MOCOS: variants seen among roughly 807,000 people sequenced by gnomAD.
MOCOS encodes the protein human molybdenum cofactor sulfurase.
MOCOS carries 86 observed loss-of-function variants against 83.6 expected under a neutral mutation model. The ratio of observed to expected loss-of-function variants is 1.03; its 90% confidence interval spans 0.86 to 1.23. The LOEUF (loss-of-function observed/expected upper bound fraction) is 1.23. Among genes scored for constraint, MOCOS ranks in the 50% most tolerant of loss-of-function variants. MOCOS has a pLI of 0.00. For missense variants in MOCOS, 1,120 were observed against 1,126.9 expected (o/e 0.99, Z 0.09); for synonymous variants, 445 against 434.7 (o/e 1.02, Z -0.29).
intron 9 of MOCOS, among the ~76,000 whole-genome samples, chr18:36,220,534 T>C (rs1395936827): frequency 6.6e-6 from 1 of 151,980 alleles, no homozygotes; most frequent in Non-Finnish European, 1.5e-5. Flanking sequence ...TAAAATAACC[T>C]GAAAGTAAGG....
At chr18:36,193,184 G>A (rs1051970050) in intron 1 of MOCOS, among the ~76,000 whole-genome samples, 28 of 150,510 alleles carry the variant, frequency 1.9e-4, no homozygotes, top group African/African-American at 6.1e-4. Context: ...GGTGGCGGGC[G>A]CCTGTAGTCC....
chr18:36,198,612 A>G (rs1598870834), intron 2 of MOCOS, 78 bp from the exon 3 acceptor site: 2 of 1,391,852 alleles, frequency 1.4e-6, no homozygotes, highest in South Asian at 2.3e-5. Flanking sequence ...TGAGAAACTG[A>G]GGGAGTGGAT....
At chr18:36,247,831 G>A (rs926730104) in intron 9 of MOCOS, among the ~76,000 whole-genome samples, 5 of 152,142 alleles carry the variant, frequency 3.3e-5, no homozygotes, top group South Asian at 2.1e-4. Context: ...TTCCTGCAGC[G>A]GTTCATGCAG....
rs746148451 is a variant in MOCOS at position 36,268,667 on chromosome 18, C to G, written c.2649C>G (p.His883Gln). 6.2e-7 allele frequency: 1 copy of G among 1,610,746 alleles called. No individual in the cohort carries two copies. The highest frequency in any genetic ancestry group is 1.7e-5 in the Admixed American group (1 of 59,462). ...ATGATTTACCTGCATCTGAGAAACACCAGGATGTTACCTCCTAAAAAAAAT... is the reference window on the plus strand; with the variant it reads ...ATGATTTACCTGCATCTGAGAAACAGCAGGATGTTACCTCCTAAAAAAAAT... ...EGHDLPASEK[H>Q]QDVTS Residue 883 changes from histidine (H) to glutamine (Q), a missense_variant, in exon 15 of 15, where the codon CAC becomes CAG. Physicochemically the swap from His to Gln is conservative, Grantham distance 24 (BLOSUM62 0). Coordinates refer to ENST00000261326, the MANE Select transcript of MOCOS (RefSeq NM_017947.4).
intron 9 of MOCOS, among the ~76,000 whole-genome samples, chr18:36,226,774 G>C (rs573521553): frequency 2.0e-5 from 3 of 149,788 alleles, no homozygotes; most frequent in Non-Finnish European, 4.4e-5. Context: ...GAGTTATAAC[G>C]GTCTATTTTA....
chr18:36,226,597 A>G (rs557579543), intron 9 of MOCOS, among the ~76,000 whole-genome samples: 21 of 151,704 alleles, frequency 1.4e-4, no homozygotes, highest in African/African-American at 5.1e-4. Context: ...TGTTAGTCTT[A>G]TAGTTCTTTT....
intron 9 of MOCOS, among the ~76,000 whole-genome samples, chr18:36,228,626 A>G (rs951895912): frequency 4.6e-5 from 7 of 152,196 alleles, no homozygotes; most frequent in Non-Finnish European, 8.8e-5. Flanking sequence ...TGGGAGCTAA[A>G]TGATGAGAAC....
At chr18:36,210,911 G>A (rs904226828) in intron 6 of MOCOS, among the ~76,000 whole-genome samples, 1 of 148,356 alleles carries the variant, frequency 6.7e-6, no homozygotes, top group African/African-American at 2.5e-5. Context: ...AGTGGCATGG[G>A]ATTGGTAGTG....
At chr18:36,247,691 G>T (rs1007272511) in intron 9 of MOCOS, among the ~76,000 whole-genome samples, 3 of 151,434 alleles carry the variant, frequency 2.0e-5, no homozygotes, top group Non-Finnish European at 4.4e-5. Context: ...CCCCAATGGG[G>T]ATGTGTGTTC....
At chr18:36,266,385 C>T (rs1261017439) in intron 13 of MOCOS, among the ~76,000 whole-genome samples, 2 of 152,132 alleles carry the variant, frequency 1.3e-5, no homozygotes, top group Non-Finnish European at 2.9e-5. Context: ...AACAGTCCGC[C>T]TCTGCCTCCC....
At chr18:36,255,926 C>G (rs928249472) in intron 11 of MOCOS, among the ~76,000 whole-genome samples, 3 of 133,968 alleles carry the variant, frequency 2.2e-5, no homozygotes, top group Admixed American at 1.6e-4. Flanking sequence ...CAGTTTCACT[C>G]TTATTGCTCA....
Position 36,199,941 on chromosome 18 carries a change from A to G in MOCOS, c.558A>G (p.Ser186=). ...GGTCTGCAGAGGAACGTAGTGCTTC[A>G]GCCAGCAACCCAGACTGCCAGCTGC... The part of the protein sequence containing the change: ...DLWSAEERSA[S]ASNPDCQLPH... The change falls in exon 4 of 15, where the codon TCA becomes TCG. Residue 186 remains serine (S), a synonymous_variant. Transcript: ENST00000261326. 6.2e-7 allele frequency: 1 copy of G among 1,614,216 alleles called. No homozygotes were observed. The highest frequency in any genetic ancestry group is 1.1e-5 in the South Asian group (1 of 91,086).
chr18:36,216,056 G>A (rs1458112340), intron 8 of MOCOS, 79 bp downstream of exon 8: 2 of 1,395,730 alleles, frequency 1.4e-6, no homozygotes, highest in African/African-American at 2.9e-5. Context: ...AGAAAAGCAT[G>A]AAAAAAATCA....
At chr18:36,248,392 G>C (rs77982655) in intron 9 of MOCOS, among the ~76,000 whole-genome samples, 4,717 of 152,060 alleles carry the variant, frequency 0.031, 245 homozygotes, top group African/African-American at 0.11. Flanking sequence ...CATTCTGTTG[G>C]TTGTCTCTTC....
intron 11 of MOCOS, among the ~76,000 whole-genome samples, chr18:36,251,551 A>G (rs2091622020): frequency 6.6e-6 from 1 of 152,200 alleles, no homozygotes; most frequent in Non-Finnish European, 1.5e-5. Context: ...GTTCAAAAGC[A>G]TAATTAATCC....
At chr18:36,259,976 T>C in intron 12 of MOCOS, 61 bp from the exon 13 acceptor site, 1 of 1,599,984 alleles carries the variant, frequency 6.3e-7, no homozygotes, top group Non-Finnish European at 8.6e-7. Flanking sequence ...GATGAATTAT[T>C]ATAGTGGTAC....
chr18:36,206,670 G>T (rs79304057), intron 6 of MOCOS, among the ~76,000 whole-genome samples: 1 of 152,064 alleles, frequency 6.6e-6, no homozygotes, highest in Non-Finnish European at 1.5e-5. Flanking sequence ...CCCGGTGGCC[G>T]TGGTTTTCTT....
At chr18:36,191,356 G>T (rs918756103) in intron 1 of MOCOS, among the ~76,000 whole-genome samples, 3 of 152,162 alleles carry the variant, frequency 2.0e-5, no homozygotes, top group African/African-American at 4.8e-5. Context: ...TCCCTCTCAC[G>T]CCAGCTGCAG....
At chr18:36,259,941 A>G in intron 12 of MOCOS, 96 bp from the exon 13 acceptor site, 1 of 1,511,900 alleles carries the variant, frequency 6.6e-7, no homozygotes, top group Non-Finnish European at 9.2e-7. Flanking sequence ...AGAGCTGATG[A>G]AGTTAGGTGT....
Sources: gnomAD v4.1 joint callset for allele counts (sites outside exome capture counted in the v4.1 genomes callset) on GRCh38, gnomAD v4.1.1 for gene constraint, MANE v1.5 for transcripts, NCBI Gene and HGNC (gene_info 2026-07-23, HGNC 2026-07-21) for gene names.